Variants in FRMD6 observed in about 807,000 individuals in gnomAD.
FRMD6 encodes the protein FERM domain-containing protein 6.
Under a neutral mutation model 73.2 loss-of-function variants are expected in FRMD6, and 37 were observed. The ratio of observed to expected loss-of-function variants is 0.51; its 90% confidence interval spans 0.39 to 0.66. The LOEUF (loss-of-function observed/expected upper bound fraction) is 0.66, where lower values mean the gene tolerates loss of function less well. Ranked by LOEUF, FRMD6 falls within the 30% of genes least tolerant of loss-of-function variation. The probability of loss-of-function intolerance (pLI) is 0.00; values close to 1 mark genes in which losing one functional copy is unlikely to be tolerated. For missense variants in FRMD6, 714 were observed against 780.5 expected, an observed-to-expected ratio of 0.91 and a Z score of 1.02; for synonymous variants, 273 against 282.2, an observed-to-expected ratio of 0.97 and a Z score of 0.33.
chr14:51,623,046 G>A (rs1038565545), intron 2 of FRMD6, among the ~76,000 whole-genome samples: 14 of 152,022 alleles, frequency 9.2e-5, no homozygotes, highest in Non-Finnish European at 1.8e-4. Context: ...TCATGGCTTC[G>A]TCATTTGTCA....
intron 1 of FRMD6, among the ~76,000 whole-genome samples, chr14:51,668,400 G>A (rs1893755780): frequency 6.6e-6 from 1 of 152,056 alleles, no homozygotes; most frequent in African/African-American, 2.4e-5. Context: ...TCCGCCTCCT[G>A]GGTTCAAGTG....
chr14:51,583,802 G>T (rs1450295157), intron 2 of FRMD6, among the ~76,000 whole-genome samples: 1 of 152,210 alleles, frequency 6.6e-6, no homozygotes, highest in African/African-American at 2.4e-5. Flanking sequence ...GGACAACTTG[G>T]TTCTGGTGCA....
intron 1 of FRMD6, among the ~76,000 whole-genome samples, chr14:51,500,150 T>C (rs1883523654): frequency 6.6e-6 from 1 of 152,250 alleles, no homozygotes; most frequent in Non-Finnish European, 1.5e-5. Context: ...GAGCTGCATT[T>C]TAAAGCGTTT....
At position 51,632,373 on chromosome 14, in the gene FRMD6, C is replaced by T. The variant is rs141185777; in HGVS notation, c.-146-57318C>T. The stretch of plus-strand genomic sequence containing the variant: ...CAGAACACAACTCCATAATAAAATA[C>T]GCTTAGGAAACACGAGTAAAATTTC... On this transcript the variant is annotated intron_variant, in intron 2 of 14. Transcript: ENST00000356218. 7.3e-4 allele frequency among the ~76,000 whole-genome samples: 111 copies of T among 152,224 alleles called. 1 individual carries two copies. The highest frequency in any genetic ancestry group is 2.5e-3 in the African/African-American group (104 of 41,534).
chr14:51,474,837 C>T, the FRMD6 span, among the ~76,000 whole-genome samples: 1 of 152,220 alleles, frequency 6.6e-6, no homozygotes, highest in South Asian at 2.1e-4. Flanking sequence ...TTTGCCCTAT[C>T]AAACAGCTGT....
the FRMD6 span, among the ~76,000 whole-genome samples, chr14:51,415,534 G>A: frequency 1.3e-5 from 2 of 152,200 alleles, no homozygotes; most frequent in East Asian, 1.9e-4. Context: ...GCTTTTTGAT[G>A]TGCTGCTGGA....
chr14:51,649,340 T>C (rs576087833), upstream of FRMD6, among the ~76,000 whole-genome samples: 5 of 152,316 alleles, frequency 3.3e-5, no homozygotes, highest in East Asian at 9.6e-4. Flanking sequence ...TACAATATAA[T>C]TCTGGACAAC....
chr14:51,627,217 T>A (rs1424859564), intron 2 of FRMD6, among the ~76,000 whole-genome samples: 1 of 152,198 alleles, frequency 6.6e-6, no homozygotes, highest in Non-Finnish European at 1.5e-5. Flanking sequence ...GATTAAAATA[T>A]CAAGCCCTGC....
rs776850745 is a variant in FRMD6 at position 51,720,146 on chromosome 14, T to G, written c.1116T>G (p.Ser372Arg). Reference sequence around the variant, plus strand: ...AACGGTCGCGGGCCAGCGGGAGCAGTGCGGGCAGCATGAAACACAAGCGCC... The same window carrying G: ...AACGGTCGCGGGCCAGCGGGAGCAGGGCGGGCAGCATGAAACACAAGCGCC... ...LEKRSRASGS[S>R]AGSMKHKRLS... The change falls in exon 11 of 14, where the codon AGT (serine) becomes AGG (arginine). Residue 372 changes from serine to arginine, a missense_variant. Coordinates refer to ENST00000344768, the MANE Select transcript of FRMD6 (RefSeq NM_001267046.2). 1.9e-6 allele frequency: 3 copies of G among 1,613,794 alleles called. No homozygotes were observed. Among genetic ancestry groups the G allele is most frequent in the Non-Finnish European group, 1.7e-6 (2 of 1,180,022 alleles).
At chr14:51,454,585 G>A in the FRMD6 span, 1 of 152,224 alleles carries the variant, frequency 6.6e-6, no homozygotes, top group African/African-American at 2.4e-5. Context: ...CTGCTTCCTG[G>A]TTTATGAGAT....
chr14:51,401,456 T>C, the FRMD6 span, among the ~76,000 whole-genome samples: 1 of 152,204 alleles, frequency 6.6e-6, no homozygotes, highest in Admixed American at 6.5e-5. Context: ...GTTTTTGTTG[T>C]AGCAACAAGT....
chr14:51,602,668 A>G (rs1481072065), intron 2 of FRMD6, among the ~76,000 whole-genome samples: 4 of 152,228 alleles, frequency 2.6e-5, no homozygotes, highest in Admixed American at 2.0e-4. Flanking sequence ...TAAAATATTT[A>G]CTACCTGCCC....
intron 1 of FRMD6, among the ~76,000 whole-genome samples, chr14:51,686,554 T>G (rs1895162902): frequency 6.6e-6 from 1 of 152,140 alleles, no homozygotes; most frequent in Non-Finnish European, 1.5e-5. Flanking sequence ...ATTGTTTTTG[T>G]AAGTTGGATA....
At chr14:51,407,134 A>G in the FRMD6 span, among the ~76,000 whole-genome samples, 1 of 152,102 alleles carries the variant, frequency 6.6e-6, no homozygotes, top group Admixed American at 6.5e-5. Context: ...AATGTATAAT[A>G]TAATTTACCA....
intron 1 of FRMD6, among the ~76,000 whole-genome samples, chr14:51,500,614 C>T (rs753704071): frequency 7.9e-5 from 12 of 152,078 alleles, no homozygotes; most frequent in Non-Finnish European, 1.6e-4. Context: ...CTGTGCTACT[C>T]ACTCATTTTT....
rs542241321 is a variant in FRMD6 at position 51,596,955 on chromosome 14, T to C, written c.-147+26545T>C. ...TACATCACACAGATGCCTCCCCACT[T>C]AGGAAAAACTGCATCGCATTTAACT... On this transcript the variant is annotated intron_variant, in intron 2 of 14. Transcript: ENST00000356218. Among the ~76,000 whole-genome samples the C allele has an allele frequency of 2.6e-5, 4 of 152,308 alleles. No homozygotes were observed. In the South Asian group the frequency reaches 8.3e-4, roughly 32 times the overall value.
chr14:51,594,540 G>T (rs1288187845), intron 2 of FRMD6, among the ~76,000 whole-genome samples: 1 of 151,694 alleles, frequency 6.6e-6, no homozygotes, highest in Non-Finnish European at 1.5e-5. Flanking sequence ...TGTTGGTCTG[G>T]CTGGTCTCGA....
At chr14:51,721,761 G>GGGAAGGAA (rs1555340801) in intron 11 of FRMD6, among the ~76,000 whole-genome samples, 188 bp from the exon 12 acceptor site, 8 of 137,338 alleles carry the variant, frequency 5.8e-5, no homozygotes, top group South Asian at 2.4e-4. Flanking sequence ...GAAGGAAGGA[G>GGGAAGGAA]GGAAGGAGGG....
At chr14:51,723,506 TGTG>T (rs1195096740) in intron 12 of FRMD6, among the ~76,000 whole-genome samples, 7 of 152,050 alleles carry the variant, frequency 4.6e-5, no homozygotes, top group Non-Finnish European at 8.8e-5. Context: ...TAAGGCCAGG[TGTG>T]GTGGCTCACA....
Sources: allele counts gnomAD v4.1 joint callset (sites outside exome capture counted in the v4.1 genomes callset), GRCh38; gene constraint gnomAD v4.1.1; transcripts MANE v1.5; gene names NCBI Gene and HGNC (gene_info 2026-07-23, HGNC 2026-07-21).